Variants in SLC4A3 observed in about 807,000 individuals in gnomAD.
SLC4A3 encodes solute carrier family 4 member 3.
Under a neutral mutation model 114.2 loss-of-function variants are expected in SLC4A3, and 47 were observed. The ratio of observed to expected loss-of-function variants is 0.41; its 90% CI spans 0.33 to 0.52. The LOEUF (loss-of-function observed/expected upper bound fraction) is 0.52, where lower values mean the gene tolerates loss of function less well. Among genes scored for constraint, SLC4A3 ranks in the 20% least tolerant of loss-of-function variants. The probability of loss-of-function intolerance (pLI) is 0.21; values close to 1 mark genes in which losing one functional copy is unlikely to be tolerated. For missense variants in SLC4A3, 1,312 were observed against 1,668.3 expected (o/e 0.79, Z 3.72); for synonymous variants, 693 against 710.3 (o/e 0.98, Z 0.39).
In SLC4A3 at chr2:219,638,710, C is replaced by G; in HGVS notation, c.2864C>G (p.Thr955Arg). ...SITDTYTQKLTVPTGLSVTSP... is the reference protein window; with the variant it reads ...SITDTYTQKLRVPTGLSVTSP... ...TGTTTTCCTGCCATGCAGAAGCTGA[C>G]AGTGCCTACAGGGCTCTCAGTGACC... Residue 955 changes from threonine (T) to arginine (R), a missense_variant, in exon 19 of 23, where the codon ACA becomes AGA. Physicochemically the swap from Thr to Arg is moderately conservative, Grantham distance 71. Coordinates refer to ENST00000358055, the MANE Select transcript of SLC4A3 (RefSeq NM_005070.4). The surrounding 1 kb of genome is among the most constrained non-coding windows in gnomAD (Gnocchi z 7.5). 1 of 1,613,982 alleles carries G rather than the reference C, an allele frequency of 6.2e-7. No homozygotes were observed. Among genetic ancestry groups the G allele is most frequent in the Non-Finnish European group, 8.5e-7 (1 of 1,179,956 alleles).
At chr2:219,632,829 T>C (rs1392566455) in intron 8 of SLC4A3, 45 bp from the exon 9 acceptor site, 3 of 1,606,480 alleles carry the variant, frequency 1.9e-6, no homozygotes, top group Non-Finnish European at 1.7e-6. Context: ...AGATTTTTCC[T>C]GTCTGATGGG....
At position 219,641,644 on chromosome 2, in the gene SLC4A3, T is replaced by G; in HGVS notation, c.3622-7T>G. On this transcript the variant is annotated splice_polypyrimidine_tract_variant and splice_region_variant and intron_variant, in intron 22 of 22. Transcript: ENST00000358055. This position sits in a 1 kb window ranked among gnomAD's most constrained non-coding sequence, Gnocchi z 4.0. ...CTGCCTTCCCCAACCTTCTGTTCCCTCTGCAGCTGGACTCGGAAGATGCTG... is the reference window on the plus strand; with the variant it reads ...CTGCCTTCCCCAACCTTCTGTTCCCGCTGCAGCTGGACTCGGAAGATGCTG... 1 of 1,613,242 alleles carries G rather than the reference T, an allele frequency of 6.2e-7. No individual in the cohort carries two copies. Among genetic ancestry groups the G allele is most frequent in the Non-Finnish European group, 8.5e-7 (1 of 1,179,180 alleles).
In SLC4A3 at chr2:219,639,696, G is replaced by A; in HGVS notation, c.3238G>A (p.Glu1080Lys). 1 of 1,611,374 alleles carries A rather than the reference G, an allele frequency of 6.2e-7. No homozygotes were observed. Among genetic ancestry groups the A allele is most frequent in the Non-Finnish European group, 8.5e-7 (1 of 1,180,010 alleles). ...CAAGCCCCAGATCCAGGAGGTGCGG[G>A]AGCAGCGGGTCACTGGTGTGCTCAT... ...GDKPQIQEVR[E>K]QRVTGVLIAS... The change falls in exon 20 of 23, where the codon GAG becomes AAG. Residue 1080 changes from glutamate to lysine, a missense_variant. This residue lies in a region of SLC4A3 where 301 missense variants were observed against 460.7 expected (regional missense o/e 0.65). Transcript: ENST00000358055. This position sits in a 1 kb window ranked among gnomAD's most constrained non-coding sequence, Gnocchi z 5.9.
In SLC4A3 at chr2:219,632,565, C is replaced by G. The variant is rs915236062; in HGVS notation, c.1141+123C>G. 7 of 1,181,658 alleles carry G rather than the reference C, an allele frequency of 5.9e-6. No individual in the cohort carries two copies. In the African/African-American group the frequency reaches 1.1e-4, roughly 18 times the overall value. 73.2% of individuals were successfully genotyped at this position (1,181,658 alleles called of 1,614,324 possible). A position where few individuals can be genotyped will look rare whatever the true frequency, so the allele number is the denominator to read the frequency against. ...GCAAGATCCAACTGCCACCTGGGAC[C>G]GTGGGGGTCCATTTGCCTGGGCAGC... On this transcript the variant is annotated intron_variant, in intron 8 of 22. Transcript: ENST00000358055.
At position 219,629,701 on chromosome 2, in the gene SLC4A3, G is replaced by A. The variant is rs1281549805; in HGVS notation, c.611+6G>A. ...AGCCCCCAGCACTCCAGCAGGTACTGGCTGCAGCCTCTACTCAGCAGGGCC... is the reference window on the plus strand; with the variant it reads ...AGCCCCCAGCACTCCAGCAGGTACTAGCTGCAGCCTCTACTCAGCAGGGCC... On this transcript the variant is annotated splice_donor_region_variant and intron_variant, in intron 5 of 22. Transcript: ENST00000358055. 1.3e-6 allele frequency: 2 copies of A among 1,598,022 alleles called. No individual in the cohort carries two copies. The highest frequency in any genetic ancestry group is 1.3e-5 in the African/African-American group (1 of 74,624).
In SLC4A3 at chr2:219,636,566, G is replaced by A. The variant is rs1468486670; in HGVS notation, c.2341-114G>A. 6.1e-6 allele frequency: 9 copies of A among 1,476,096 alleles called. No homozygotes were observed. The highest frequency in any genetic ancestry group is 4.3e-5 in the African/African-American group (3 of 70,564). 91.4% of individuals were successfully genotyped at this position (1,476,096 alleles called of 1,614,324 possible). A position where few individuals can be genotyped will look rare whatever the true frequency, so the allele number is the denominator to read the frequency against. On this transcript the variant is annotated intron_variant, in intron 15 of 22. Transcript: ENST00000358055. This position sits in a 1 kb window ranked among gnomAD's most constrained non-coding sequence, Gnocchi z 5.5. ...GCCCCACACTCTTCCTTACCTAGGGGATGGGTCCCTGCATTCTCCCTCTTC... is the reference window on the plus strand; with the variant it reads ...GCCCCACACTCTTCCTTACCTAGGGAATGGGTCCCTGCATTCTCCCTCTTC...
Position 219,629,200 on chromosome 2 carries a change from C to A in SLC4A3, c.274C>A (p.Pro92Thr). 6.2e-7 allele frequency: 1 copy of A among 1,612,446 alleles called. No homozygotes were observed. The highest frequency in any genetic ancestry group is 8.5e-7 in the Non-Finnish European group (1 of 1,179,330). ...HHPLSARLPP[P>T]HKLRRLPPTS... ...CCCGCTCTCAGCGCGCCTGCCTCCA[C>A]CCCACAAGCTGCGGCGGCTGCCCCC... Residue 92 changes from proline (P) to threonine (T), a missense_variant, in exon 4 of 23, where the codon CCC (proline) becomes ACC (threonine). Physicochemically the swap from Pro to Thr is conservative, Grantham distance 38. Around this residue, in one of 4 missense-constraint regions of SLC4A3, gnomAD observed 236 missense variants for 212.1 expected, o/e 1.11. Transcript: ENST00000358055.
rs1204791818 is a variant in SLC4A3, at chr2:219,637,689, G to A, written c.2644G>A (p.Gly882Ser). 1 of 1,613,084 alleles carries A rather than the reference G, an allele frequency of 6.2e-7. No individual in the cohort carries two copies. Among genetic ancestry groups the A allele is most frequent in the East Asian group, 2.2e-5 (1 of 44,854 alleles). The change falls in exon 17 of 23, where the codon GGC becomes AGC. Residue 882 changes from glycine to serine, a missense_variant. Coordinates refer to ENST00000358055, the MANE Select transcript of SLC4A3 (RefSeq NM_005070.4). This position sits in a 1 kb window ranked among gnomAD's most constrained non-coding sequence, Gnocchi z 4.6. ...TGGCAGTGCCCTGCCCCCCACCGAG[G>A]GCCCCCCCAGCCCGAGGAACCAGCC... ...PNGSALPPTE[G>S]PPSPRNQPNT...
intron 14 of SLC4A3, 90 bp downstream of exon 14, chr2:219,635,981 C>A (rs1254173827): frequency 4.7e-5 from 50 of 1,058,768 alleles, no homozygotes; most frequent in Non-Finnish European, 6.2e-5. Context: ...TGGGTGTGAT[C>A]ACATTAGGGG....
Position 219,629,236 on chromosome 2 carries a change from C to G in SLC4A3, c.310C>G (p.Arg104Gly), listed in dbSNP as rs184135231. ...KLRRLPPTSA[R>G]HTRRKRKKEK... ...GCGGCGGCTGCCCCCCACCTCTGCC[C>G]GGCACACCAGGAGAAAGAGGAAGAA... is the stretch of plus-strand genomic sequence containing the variant. The change falls in exon 4 of 23, where the codon CGG becomes GGG. Residue 104 changes from arginine to glycine, a missense_variant. Arg to Gly is a moderately radical substitution (Grantham distance 125). Around this residue, in one of 4 missense-constraint regions of SLC4A3, gnomAD observed 236 missense variants for 212.1 expected, o/e 1.11. Coordinates refer to ENST00000358055, the MANE Select transcript of SLC4A3 (RefSeq NM_005070.4). 2.5e-6 allele frequency: 4 copies of G among 1,613,448 alleles called. No individual in the cohort carries two copies. The highest frequency in any genetic ancestry group is 2.2e-5 in the East Asian group (1 of 44,876).
chr2:219,635,347 G>T lies in SLC4A3; in HGVS notation c.1823G>T (p.Ser608Ile), dbSNP rs1316025534. 6.2e-7 allele frequency: 1 copy of T among 1,614,200 alleles called. No individual in the cohort carries two copies. The highest frequency in any genetic ancestry group is 1.7e-5 in the Admixed American group (1 of 60,028). Residue 608 changes from serine to isoleucine, a missense_variant, in exon 13 of 23, where the codon AGC becomes ATC. Around this residue, in one of 4 missense-constraint regions of SLC4A3, gnomAD observed 771 missense variants for 977.7 expected, o/e 0.79. Transcript: ENST00000358055. ...GCCATCAGCGAGTTCCTGGATGGCA[G>T]CATTGTGATCCCCCCGTCCGAGGTG... The part of the protein sequence containing the change: ...LSAISEFLDG[S>I]IVIPPSEVEG...
rs1376423431 is a variant in SLC4A3, at chr2:219,639,397, C to A, written c.3024-85C>A. The stretch of plus-strand genomic sequence containing the variant: ...CTGTTGTCTGCACGTCCTCCCCCCA[C>A]CATCTCGTCTCTGTGTGCGTGCCTG... On this transcript the variant is annotated intron_variant, in intron 19 of 22. Coordinates refer to ENST00000358055, the MANE Select transcript of SLC4A3 (RefSeq NM_005070.4). This position sits in a 1 kb window ranked among gnomAD's most constrained non-coding sequence, Gnocchi z 5.9. 5 of 1,487,532 alleles carry A rather than the reference C, an allele frequency of 3.4e-6. No homozygotes were observed. Among genetic ancestry groups the A allele is most frequent in the African/African-American group, 1.4e-5 (1 of 72,760 alleles). 92.1% of individuals were successfully genotyped at this position (1,487,532 alleles called of 1,614,324 possible).
rs1698912602 is a variant in SLC4A3 at position 219,631,325 on chromosome 2, G to A, written c.812-643G>A. On this transcript the variant is annotated intron_variant, in intron 6 of 22. Transcript: ENST00000358055. This position sits in a 1 kb window ranked among gnomAD's most constrained non-coding sequence, Gnocchi z 6.3. ...ATACCAATAGCTGGGGCTTTGGGAG[G>A]GATCCAGCCCCCAGTCCTCGAGACT... is the stretch of plus-strand genomic sequence containing the variant. 1.5e-6 allele frequency: 2 copies of A among 1,304,044 alleles called. No individual in the cohort carries two copies. The highest frequency in any genetic ancestry group is 2.0e-6 in the Non-Finnish European group (2 of 988,884). The allele number at this position is 1,304,044 out of a possible 1,614,324, so 80.8% of individuals were successfully genotyped here. A position where few individuals can be genotyped will look rare whatever the true frequency, so the allele number is the denominator to read the frequency against.
chr2:219,632,433 A>G lies in SLC4A3; in HGVS notation c.1132A>G (p.Ile378Val). The G allele has an allele frequency of 6.3e-7, 1 of 1,593,922 alleles. No homozygotes were observed. Among genetic ancestry groups the G allele is most frequent in the Non-Finnish European group, 8.5e-7 (1 of 1,169,860 alleles). ...TAGCCTTCTGGAGCTCAGGAGGACCATCGCCCATGGTAGGGACCCCCAGGC... is the reference window on the plus strand; with the variant it reads ...TAGCCTTCTGGAGCTCAGGAGGACCGTCGCCCATGGTAGGGACCCCCAGGC... Reference protein sequence around the residue: ...FRSLLELRRTIAHGAALLDLE... With the variant: ...FRSLLELRRTVAHGAALLDLE... The change falls in exon 8 of 23, where the codon ATC becomes GTC. Residue 378 changes from isoleucine (I) to valine (V), a missense_variant. This residue lies in a region of SLC4A3 where 771 missense variants were observed against 977.7 expected (regional missense o/e 0.79). Transcript: ENST00000358055.
Position 219,635,297 on chromosome 2 carries a change from A to G in SLC4A3, c.1773A>G (p.Ala591=). Residue 591 remains alanine (A), a synonymous_variant, in exon 13 of 23, where the codon GCA becomes GCG. Transcript: ENST00000358055. ...TGTTTCATGAGGCTGCCTACCAGGC[A>G]GATGACCGGCAAGACCTCCTAAGTG... The part of the protein sequence containing the change: ...DKLFHEAAYQ[A]DDRQDLLSAI... 1 of 1,614,128 alleles carries G rather than the reference A, an allele frequency of 6.2e-7. No homozygotes were observed. Among genetic ancestry groups the G allele is most frequent in the South Asian group, 1.1e-5 (1 of 91,086 alleles).
At position 219,639,345 on chromosome 2, in the gene SLC4A3, A is replaced by G; in HGVS notation, c.3024-137A>G. 1 of 1,050,422 alleles carries G rather than the reference A, an allele frequency of 9.5e-7. No homozygotes were observed. The highest frequency in any genetic ancestry group is 1.4e-6 in the Non-Finnish European group (1 of 723,564). The allele number at this position is 1,050,422 out of a possible 1,614,324, so 65.1% of individuals were successfully genotyped here. On this transcript the variant is annotated intron_variant, in intron 19 of 22. Coordinates refer to ENST00000358055, the MANE Select transcript of SLC4A3 (RefSeq NM_005070.4). The surrounding 1 kb of genome is among the most constrained non-coding windows in gnomAD (Gnocchi z 5.9). Reference sequence around the variant, plus strand: ...GAGAACTTCAATTTGGGAACTTGAAAGAAGAAGCTGGCAGTCCTAGGGAGA... The same window carrying G: ...GAGAACTTCAATTTGGGAACTTGAAGGAAGAAGCTGGCAGTCCTAGGGAGA...
Position 219,638,325 on chromosome 2 carries a change from ATGGGCCC to A in SLC4A3, c.2856+77_2856+83del. 1 of 1,189,904 alleles carries A rather than the reference ATGGGCCC, an allele frequency of 8.4e-7. No individual in the cohort carries two copies. Among genetic ancestry groups the A allele is most frequent in the Non-Finnish European group, 1.2e-6 (1 of 816,090 alleles). The allele number at this position is 1,189,904 out of a possible 1,614,324, so 73.7% of individuals were successfully genotyped here. A position where few individuals can be genotyped will look rare whatever the true frequency, so the allele number is the denominator to read the frequency against. ...GAGAGGGAGCCCACAACACACTTCCATGGGCCCTGGGATTGGGATCAGGCCTGAACTC... is the reference window on the plus strand; with the variant it reads ...GAGAGGGAGCCCACAACACACTTCCATGGGATTGGGATCAGGCCTGAACTC... On this transcript the variant is annotated intron_variant, in intron 18 of 22. Coordinates refer to ENST00000358055, the MANE Select transcript of SLC4A3 (RefSeq NM_005070.4). This position sits in a 1 kb window ranked among gnomAD's most constrained non-coding sequence, Gnocchi z 7.5.
Position 219,629,655 on chromosome 2 carries a change from G to C in SLC4A3, c.571G>C (p.Val191Leu). Reference sequence around the variant, plus strand: ...TGCTGTCACCAAGCCCCTGCCCTCGGTGGGCCCACACACTGACAAGAGCCC... The same window carrying C: ...TGCTGTCACCAAGCCCCTGCCCTCGCTGGGCCCACACACTGACAAGAGCCC... ...RAAVTKPLPSVGPHTDKSPQH... is the reference protein window; with the variant it reads ...RAAVTKPLPSLGPHTDKSPQH... Residue 191 changes from valine (V) to leucine (L), a missense_variant, in exon 5 of 23, where the codon GTG (valine) becomes CTG (leucine). Coordinates refer to ENST00000358055, the MANE Select transcript of SLC4A3 (RefSeq NM_005070.4). 2 of 1,613,336 alleles carry C rather than the reference G, an allele frequency of 1.2e-6. No individual in the cohort carries two copies. The highest frequency in any genetic ancestry group is 1.7e-6 in the Non-Finnish European group (2 of 1,179,784).
At chr2:219,632,195 C>T in intron 7 of SLC4A3, 67 bp from the exon 8 acceptor site, 1 of 1,609,996 alleles carries the variant, frequency 6.2e-7, no homozygotes, top group Non-Finnish European at 8.5e-7. Flanking sequence ...GCCCCCCTGC[C>T]TTGCCCCATC....
Sources: gnomAD v4.1 joint callset for allele counts on GRCh38, gnomAD v4.1.1 for gene constraint, gnomAD v4.1.1 regional missense constraint, Gnocchi (gnomAD v3.1) non-coding constraint, MANE v1.5 for transcripts, NCBI Gene and HGNC (gene_info 2026-07-23, HGNC 2026-07-21) for gene names.